Variants in CSMD3 observed in about 807,000 individuals in gnomAD.
CSMD3 encodes CUB and Sushi multiple domains 3.
In CSMD3, 177 loss-of-function variants were observed where a neutral mutation model predicts 435.2. The observed-to-expected ratio is 0.41, with a 90% confidence interval of 0.36 to 0.46. The LOEUF is 0.46. CSMD3 is among the 20% of genes least tolerant of loss of function. CSMD3 has a pLI of 0.34. For synonymous variants in CSMD3, 1,656 were observed against 1,520.5 expected (o/e 1.09, Z -2.07); for missense variants, 4,265 against 4,504.6 (o/e 0.95, Z 1.52).
chr8:112,896,808 A>T (rs1363713193), intron 10 of CSMD3, among the ~76,000 whole-genome samples: 1 of 151,490 alleles, frequency 6.6e-6, no homozygotes, highest in Non-Finnish European at 1.5e-5. Flanking sequence ...GAATATATAT[A>T]TCCATAGCCT....
At position 112,727,760 on chromosome 8, in the gene CSMD3, T is replaced by C. The variant is rs73702204; in HGVS notation, c.1973-37710A>G. Among the ~76,000 whole-genome samples the C allele has an allele frequency of 5.0e-3, 761 of 152,038 alleles. 6 individuals carry two copies. The highest frequency in any genetic ancestry group is 0.016 in the African/African-American group (683 of 41,556). On this transcript the variant is annotated intron_variant, in intron 13 of 70. Coordinates refer to ENST00000297405, the MANE Select transcript of CSMD3 (RefSeq NM_198123.2). ...TTTATGTTACTTTTTACAATAAGTATATTTTACCCATATCTTATTCAAAAT... is the reference window on the plus strand; with the variant it reads ...TTTATGTTACTTTTTACAATAAGTACATTTTACCCATATCTTATTCAAAAT...
chr8:112,612,935 G>T (rs891883842), intron 22 of CSMD3, among the ~76,000 whole-genome samples: 1 of 151,362 alleles, frequency 6.6e-6, no homozygotes, highest in African/African-American at 2.4e-5. Flanking sequence ...GGAGTGCAGC[G>T]GGGAGGGGGA....
At chr8:113,155,922 T>C (rs538186842) in intron 4 of CSMD3, among the ~76,000 whole-genome samples, 8 of 152,184 alleles carry the variant, frequency 5.3e-5, no homozygotes, top group Non-Finnish European at 8.8e-5. Context: ...ACAGGAAGCC[T>C]TTCAGCTGCT....
intron 32 of CSMD3, among the ~76,000 whole-genome samples, chr8:112,452,252 C>G (rs573073037): frequency 9.2e-5 from 14 of 152,258 alleles, no homozygotes; most frequent in African/African-American, 3.1e-4. Context: ...TTATTCAGTA[C>G]TGGATTCTAG....
At chr8:113,289,554 C>CAGAGAGAGAGAG (rs66595138) in intron 2 of CSMD3, among the ~76,000 whole-genome samples, 73 of 143,302 alleles carry the variant, frequency 5.1e-4, no homozygotes, top group African/African-American at 1.2e-3. Context: ...CAGAGAGAGA[C>CAGAGAGAGAGAG]AGAGAGAGAG....
At chr8:113,083,253 T>G (rs2089635443) in intron 5 of CSMD3, among the ~76,000 whole-genome samples, 1 of 151,984 alleles carries the variant, frequency 6.6e-6, no homozygotes, top group Non-Finnish European at 1.5e-5. Flanking sequence ...GAGAAAAATG[T>G]CAAGTCACAT....
intron 5 of CSMD3, among the ~76,000 whole-genome samples, chr8:113,052,414 A>AT (rs1292422269): frequency 1.3e-5 from 2 of 152,170 alleles, no homozygotes; most frequent in East Asian, 1.9e-4. Context: ...TTTGAATTCA[A>AT]TTTTTTTAAA....
chr8:113,210,581 G>T (rs2092822335), intron 3 of CSMD3, among the ~76,000 whole-genome samples: 1 of 151,820 alleles, frequency 6.6e-6, no homozygotes, highest in Non-Finnish European at 1.5e-5. Context: ...GGAGAAAATT[G>T]AATCTTAGAA....
intron 1 of CSMD3, among the ~76,000 whole-genome samples, chr8:113,351,125 A>C (rs1437581476): frequency 6.6e-6 from 1 of 152,124 alleles, no homozygotes; most frequent in African/African-American, 2.4e-5. Flanking sequence ...AATAGCTTTT[A>C]GTTCTTTATC....
At chr8:112,565,259 C>G (rs1828969547) in intron 24 of CSMD3, among the ~76,000 whole-genome samples, 1 of 151,994 alleles carries the variant, frequency 6.6e-6, no homozygotes, top group Non-Finnish European at 1.5e-5. Flanking sequence ...GGACATAGAA[C>G]CACATGGAGG....
intron 32 of CSMD3, among the ~76,000 whole-genome samples, chr8:112,456,784 T>G (rs2130644307): frequency 6.6e-6 from 1 of 152,182 alleles, no homozygotes; most frequent in African/African-American, 2.4e-5. Flanking sequence ...AGCTATAAAT[T>G]TTGTCCTTTT....
At chr8:112,707,791 G>A (rs928476329) in intron 13 of CSMD3, among the ~76,000 whole-genome samples, 10 of 151,802 alleles carry the variant, frequency 6.6e-5, no homozygotes, top group East Asian at 1.9e-4. Context: ...ACTATTATCC[G>A]CATTTTAACT....
intron 4 of CSMD3, among the ~76,000 whole-genome samples, chr8:113,117,993 A>G (rs190763719): frequency 6.6e-6 from 1 of 152,294 alleles, no homozygotes; most frequent in Non-Finnish European, 1.5e-5. Context: ...GTCACAGATT[A>G]GACCTTGGAA....
intron 11 of CSMD3, among the ~76,000 whole-genome samples, chr8:112,837,582 T>C (rs1190514874): frequency 1.3e-5 from 2 of 151,824 alleles, no homozygotes; most frequent in East Asian, 3.9e-4. Flanking sequence ...ATAGGATGCT[T>C]GATATATAGT....
chr8:112,943,617 GA>G (rs1229430780), intron 9 of CSMD3, among the ~76,000 whole-genome samples: 6 of 151,566 alleles, frequency 4.0e-5, no homozygotes, highest in African/African-American at 1.5e-4. Flanking sequence ...ATAACAATTT[GA>G]TTTATCTTTT....
chr8:112,403,484 A>G (rs1272488796), intron 35 of CSMD3, among the ~76,000 whole-genome samples: 1 of 152,208 alleles, frequency 6.6e-6, no homozygotes, highest in Non-Finnish European at 1.5e-5. Context: ...TTTCAACAAC[A>G]GAAATGTATT....
intron 15 of CSMD3, among the ~76,000 whole-genome samples, chr8:112,683,470 C>T (rs1023275414): frequency 6.6e-6 from 1 of 151,978 alleles, no homozygotes; most frequent in Non-Finnish European, 1.5e-5. Context: ...GGGCCACTAT[C>T]TTATTCTACC....
At chr8:113,000,886 CA>C (rs989966680) in intron 6 of CSMD3, among the ~76,000 whole-genome samples, 1 of 152,140 alleles carries the variant, frequency 6.6e-6, no homozygotes, top group African/African-American at 2.4e-5. Context: ...CTTGCAACCA[CA>C]AATATACTCT....
intron 3 of CSMD3, among the ~76,000 whole-genome samples, chr8:113,256,145 G>A (rs1359861004): frequency 1.3e-5 from 2 of 151,836 alleles, no homozygotes; most frequent in Non-Finnish European, 2.9e-5. Context: ...GAAAAAAAAA[G>A]CAAATGTAAA....
Sources: gnomAD v4.1 joint callset for allele counts (sites outside exome capture counted in the v4.1 genomes callset) on GRCh38, gnomAD v4.1.1 for gene constraint, MANE v1.5 for transcripts, NCBI Gene and HGNC (gene_info 2026-07-23, HGNC 2026-07-21) for gene names.